PTPN14: variants seen among roughly 807,000 people sequenced by gnomAD.
PTPN14 encodes the protein tyrosine-protein phosphatase non-receptor type 14.
Under a neutral mutation model 126.8 loss-of-function variants are expected in PTPN14, and 53 were observed. The ratio of observed to expected loss-of-function variants is 0.42; its 90% confidence interval spans 0.34 to 0.53. PTPN14 has a LOEUF of 0.53. PTPN14 is among the 20% of genes least tolerant of loss of function. The pLI is 0.08. For missense variants in PTPN14, 1,257 were observed against 1,552.9 expected (o/e 0.81, Z 3.20); for synonymous variants, 630 against 599.3 (o/e 1.05, Z -0.75).
At chr1:214,542,145 C>T (rs2102484155) in intron 1 of PTPN14, among the ~76,000 whole-genome samples, 1 of 151,848 alleles carries the variant, frequency 6.6e-6, no homozygotes, top group South Asian at 2.1e-4. Context: ...TGTACACACA[C>T]ATATAGTATG....
chr1:214,542,188 T>C (rs1250590184), intron 1 of PTPN14, among the ~76,000 whole-genome samples: 2 of 152,190 alleles, frequency 1.3e-5, no homozygotes, highest in Non-Finnish European at 2.9e-5. Flanking sequence ...ATAGTATGCA[T>C]GTATATATGT....
At chr1:214,505,143 C>T (rs975045866) in intron 1 of PTPN14, among the ~76,000 whole-genome samples, 4 of 150,210 alleles carry the variant, frequency 2.7e-5, no homozygotes, top group African/African-American at 4.9e-5. Flanking sequence ...TTCATTGTGG[C>T]GGTCATGTGA....
At chr1:214,445,375 C>A (rs977939290) in intron 3 of PTPN14, among the ~76,000 whole-genome samples, 1 of 152,156 alleles carries the variant, frequency 6.6e-6, no homozygotes, top group Non-Finnish European at 1.5e-5. Context: ...TCTGTCAATT[C>A]TGTAGAGTGC....
intron 1 of PTPN14, among the ~76,000 whole-genome samples, chr1:214,488,170 A>G (rs1168325118): frequency 6.6e-6 from 1 of 152,234 alleles, no homozygotes; most frequent in Non-Finnish European, 1.5e-5. Flanking sequence ...GAAATTTTGT[A>G]CTGAGCACAG....
chr1:214,451,158 G>GTTGTTT (rs66767129), intron 3 of PTPN14, among the ~76,000 whole-genome samples: 290 of 151,112 alleles, frequency 1.9e-3, no homozygotes, highest in Non-Finnish European at 2.3e-3. Context: ...TTTTGTTTTT[G>GTTGTTT]TTGTTTTTGT....
chr1:214,526,503 A>G (rs951356181), intron 1 of PTPN14, among the ~76,000 whole-genome samples: 1 of 151,560 alleles, frequency 6.6e-6, no homozygotes, highest in East Asian at 1.9e-4. Flanking sequence ...TCTGTTAAGT[A>G]AGGACTCAAG....
intron 1 of PTPN14, among the ~76,000 whole-genome samples, chr1:214,546,003 G>A (rs12747035): frequency 0.54 from 82,648 of 151,972 alleles, 23,757 homozygotes; most frequent in Non-Finnish European, 0.64. Context: ...CTAGGGATAC[G>A]AGGCCATTAA....
At chr1:214,447,384 G>A (rs552658238) in intron 3 of PTPN14, among the ~76,000 whole-genome samples, 1 of 152,158 alleles carries the variant, frequency 6.6e-6, no homozygotes, top group East Asian at 1.9e-4. Context: ...ACCACACCGA[G>A]AAAACTCAAG....
At chr1:214,409,304 C>T (rs914526060) in intron 5 of PTPN14, among the ~76,000 whole-genome samples, 8 of 152,172 alleles carry the variant, frequency 5.3e-5, no homozygotes, top group African/African-American at 1.9e-4. Context: ...CTTTTGATTC[C>T]ACATACAAGT....
At chr1:214,397,264 A>G (rs1411375772) in intron 8 of PTPN14, among the ~76,000 whole-genome samples, 4 of 152,152 alleles carry the variant, frequency 2.6e-5, no homozygotes, top group Admixed American at 2.0e-4. Context: ...CACATACAAG[A>G]AAGCTGTTCT....
Position 214,542,406 on chromosome 1 carries a change from C to T in PTPN14, c.-155+8777G>A, listed in dbSNP as rs555868186. ...ACAACAGGTGTCTGTCATAATGACGCGGGGGGGCAGCCTCAGCCTCACAGG... is the reference window on the plus strand; with the variant it reads ...ACAACAGGTGTCTGTCATAATGACGTGGGGGGGCAGCCTCAGCCTCACAGG... On this transcript the variant is annotated intron_variant, in intron 1 of 18. Transcript: ENST00000366956. Among the ~76,000 whole-genome samples the T allele has an allele frequency of 1.3e-4, 20 of 152,100 alleles. 1 individual carries two copies. In the East Asian group the frequency reaches 3.3e-3, roughly 25 times the overall value.
At chr1:214,361,043 A>C (rs1394524155) in intron 18 of PTPN14, among the ~76,000 whole-genome samples, 1 of 152,068 alleles carries the variant, frequency 6.6e-6, no homozygotes, top group Non-Finnish European at 1.5e-5. Context: ...CATGATTGTA[A>C]GTTTCCTGAG....
rs1304604590 is a variant in PTPN14, at chr1:214,551,566, C to T, written c.-538G>A. On this transcript the variant is annotated 5_prime_UTR_variant, in exon 1 of 19. Transcript: ENST00000366956. ...ACAGCAACCTGCCCCCGAGTCTGCG[C>T]CCGCTGCGCTCACTCCGCCGAGAAA... 6.6e-6 allele frequency: 1 copy of T among 152,320 alleles called. No individual in the cohort carries two copies. The highest frequency in any genetic ancestry group is 1.5e-5 in the Non-Finnish European group (1 of 68,192). 9.4% of individuals were successfully genotyped at this position (152,320 alleles called of 1,614,324 possible).
intron 3 of PTPN14, among the ~76,000 whole-genome samples, chr1:214,443,634 G>A (rs556680284): frequency 7.9e-5 from 12 of 152,224 alleles, no homozygotes; most frequent in African/African-American, 2.6e-4. Flanking sequence ...GTCCTGGGAA[G>A]GGCTGGTTAC....
At chr1:214,539,098 A>C (rs781026404) in intron 1 of PTPN14, among the ~76,000 whole-genome samples, 3 of 152,192 alleles carry the variant, frequency 2.0e-5, no homozygotes, top group Non-Finnish European at 4.4e-5. Flanking sequence ...GATGACTTTA[A>C]ATGTTTAATC....
At chr1:214,460,403 T>TACACA (rs1660482488) in intron 2 of PTPN14, among the ~76,000 whole-genome samples, 1 of 150,370 alleles carries the variant, frequency 6.7e-6, no homozygotes, top group South Asian at 2.2e-4. Context: ...TACACACACA[T>TACACA]ACACAACACA....
rs139467354 is a variant in PTPN14, at chr1:214,471,827, G to A, written c.-154-6870C>T. Among the ~76,000 whole-genome samples the A allele has an allele frequency of 2.2e-3, 333 of 152,332 alleles. 1 individual carries two copies. Among genetic ancestry groups the A allele is most frequent in the Non-Finnish European group, 1.7e-3 (116 of 68,028 alleles). On this transcript the variant is annotated intron_variant, in intron 1 of 18. Coordinates refer to ENST00000366956, the MANE Select transcript of PTPN14 (RefSeq NM_005401.5). ...ATGTCCTCTGAAGAGCCCATCCTGG[G>A]TGGGAAGAAGATTTCTTATTCTAGC...
intron 3 of PTPN14, among the ~76,000 whole-genome samples, chr1:214,426,419 A>G (rs1429334456): frequency 1.3e-5 from 2 of 152,144 alleles, no homozygotes; most frequent in Non-Finnish European, 2.9e-5. Flanking sequence ...CATTTTGAAC[A>G]TCCTTTCTTC....
intron 1 of PTPN14, among the ~76,000 whole-genome samples, chr1:214,465,911 A>T (rs1456585040): frequency 1.4e-5 from 2 of 143,986 alleles, no homozygotes; most frequent in Non-Finnish European, 3.0e-5. Flanking sequence ...AATGAATGAT[A>T]AAGTGGTGGC....
Sources: gnomAD v4.1 joint callset for allele counts (sites outside exome capture counted in the v4.1 genomes callset) on GRCh38, gnomAD v4.1.1 for gene constraint, MANE v1.5 for transcripts, NCBI Gene and HGNC (gene_info 2026-07-23, HGNC 2026-07-21) for gene names.